The following TLCD4 variants were observed in gnomAD, a reference collection of about 807,000 sequenced individuals.
The protein encoded by TLCD4 is TLC domain containing 4.
A neutral mutation model predicts 24.2 loss-of-function variants in TLCD4; 7 were observed. That is an observed-to-expected ratio of 0.29 (90% CI 0.16 to 0.54). TLCD4 has a LOEUF of 0.54. Ranked by LOEUF, TLCD4 falls within the 20% of genes least tolerant of loss-of-function variation. The pLI is 0.95. For missense variants in TLCD4, 259 were observed against 313.9 expected (o/e 0.82, Z 1.32); for synonymous variants, 103 against 106.4 (o/e 0.97, Z 0.20).
At chr1:95,141,792 TACACACACACACAC>T (rs3075917) in intron 1 of TLCD4, among the ~76,000 whole-genome samples, 38 of 138,666 alleles carry the variant, frequency 2.7e-4, no homozygotes, top group Admixed American at 1.3e-3. Flanking sequence ...TTTTACCAAG[TACACACACACACAC>T]ACACACACAC....
intron 6 of TLCD4, among the ~76,000 whole-genome samples, chr1:95,188,104 TTAGCCGGGCGCGG>T (rs1315774086): frequency 6.6e-6 from 1 of 152,016 alleles, no homozygotes; most frequent in Non-Finnish European, 1.5e-5. Flanking sequence ...ACATAAGAAT[TTAGCCGGGCGCGG>T]TAGCTCACGC....
At chr1:95,140,321 G>A (rs1677163184) in intron 1 of TLCD4, among the ~76,000 whole-genome samples, 1 of 152,168 alleles carries the variant, frequency 6.6e-6, no homozygotes, top group Non-Finnish European at 1.5e-5. Context: ...TTGCGCTGCG[G>A]TGTTATGATG....
In TLCD4 at chr1:95,196,451, G is replaced by A. The variant is rs1679209863; in HGVS notation, c.*4583G>A. 6.6e-6 allele frequency: 1 copy of A among 152,192 alleles called. No individual in the cohort carries two copies. The highest frequency in any genetic ancestry group is 1.5e-5 in the Non-Finnish European group (1 of 68,032). The allele number at this position is 152,192 out of a possible 1,614,324, so 9.4% of individuals were successfully genotyped here. A position where few individuals can be genotyped will look rare whatever the true frequency, so the allele number is the denominator to read the frequency against. ...GTGTTTTCCAAAGTACAACATCCAAGGCTTGAACCTTACCCGTTTCTAGGC... is the reference window on the plus strand; with the variant it reads ...GTGTTTTCCAAAGTACAACATCCAAAGCTTGAACCTTACCCGTTTCTAGGC... On this transcript the variant is annotated 3_prime_UTR_variant, in exon 7 of 7. Transcript: ENST00000370203.
At chr1:95,150,158 G>T (rs372929100) in intron 3 of TLCD4, 50 bp from the exon 4 acceptor site, 12 of 1,562,376 alleles carry the variant, frequency 7.7e-6, no homozygotes, top group Non-Finnish European at 1.0e-5. Context: ...AAGAAGTAGC[G>T]GTCATCTACA....
At chr1:95,179,746 C>T (rs952443291) in intron 6 of TLCD4, among the ~76,000 whole-genome samples, 1 of 152,186 alleles carries the variant, frequency 6.6e-6, no homozygotes, top group Non-Finnish European at 1.5e-5. Flanking sequence ...TTCAGTGTGA[C>T]ACAGAAAGCT....
At chr1:95,170,022 ATT>A (rs1678150740) in intron 5 of TLCD4, among the ~76,000 whole-genome samples, 1 of 152,248 alleles carries the variant, frequency 6.6e-6, no homozygotes, top group South Asian at 2.1e-4. Flanking sequence ...ACAGTAAGAA[ATT>A]TAGCAAGAAT....
chr1:95,136,770 G>T (rs1172313995), intron 1 of TLCD4, among the ~76,000 whole-genome samples: 1 of 152,154 alleles, frequency 6.6e-6, no homozygotes, highest in African/African-American at 2.4e-5. Context: ...ACCAGGATTT[G>T]TTGGTCAGTT....
chr1:95,186,749 C>T, intron 6 of TLCD4, among the ~76,000 whole-genome samples: 1 of 152,158 alleles, frequency 6.6e-6, no homozygotes, highest in East Asian at 1.9e-4. Context: ...TTCCTATTTG[C>T]AGTATTATTT....
At chr1:95,141,219 T>A (rs1274866146) in intron 1 of TLCD4, among the ~76,000 whole-genome samples, 3 of 152,188 alleles carry the variant, frequency 2.0e-5, no homozygotes, top group Non-Finnish European at 4.4e-5. Flanking sequence ...AAAAACTCGA[T>A]TTTTGGGCGA....
rs969740637 is a variant in TLCD4 at position 95,192,839 on chromosome 1, T to C, written c.*971T>C. The C allele has an allele frequency of 6.6e-6, 1 of 152,194 alleles. No individual in the cohort carries two copies. Among genetic ancestry groups the C allele is most frequent in the African/African-American group, 2.4e-5 (1 of 41,454 alleles). 9.4% of individuals were successfully genotyped at this position (152,194 alleles called of 1,614,324 possible). On this transcript the variant is annotated 3_prime_UTR_variant, in exon 7 of 7. Transcript: ENST00000370203. ...CTATTTTAGCATTTTATCAAATTAT[T>C]GCTTTTTTATTTTATAATAAGGCTT...
chr1:95,103,457 G>C, the TLCD4 span, among the ~76,000 whole-genome samples: 1 of 152,220 alleles, frequency 6.6e-6, no homozygotes, highest in Non-Finnish European at 1.5e-5. Flanking sequence ...GAAATGTTTA[G>C]AGATAATTTC....
rs74467259 is a variant in TLCD4, at chr1:95,140,605, A to G, written c.-11-3286A>G. The G allele has an allele frequency of 2.6e-5, 4 of 152,374 alleles. No individual in the cohort carries two copies. In the East Asian group the frequency reaches 7.7e-4, roughly 29 times the overall value. 9.4% of individuals were successfully genotyped at this position (152,374 alleles called of 1,614,324 possible). A position where few individuals can be genotyped will look rare whatever the true frequency, so the allele number is the denominator to read the frequency against. ...TCCTGTGAATCAAGATGGACTAATT[A>G]TAATGTAGAGTTCATGTCTAGACGC... On this transcript the variant is annotated intron_variant, in intron 1 of 6. Coordinates refer to ENST00000370203, the MANE Select transcript of TLCD4 (RefSeq NM_152487.3).
chr1:95,183,838 AAAC>A (rs1201393849), intron 6 of TLCD4, among the ~76,000 whole-genome samples: 99 of 152,256 alleles, frequency 6.5e-4, no homozygotes, highest in African/African-American at 2.2e-3. Context: ...CTGTCTCAAA[AAAC>A]AACAACATAA....
intron 1 of TLCD4, among the ~76,000 whole-genome samples, chr1:95,119,717 G>T (rs1258812026): frequency 4.6e-5 from 7 of 150,756 alleles, no homozygotes; most frequent in East Asian, 3.9e-4. Context: ...GAGGCCCAGC[G>T]TTCATGTTCC....
intron 1 of TLCD4, among the ~76,000 whole-genome samples, chr1:95,124,426 A>G (rs1253182637): frequency 1.3e-5 from 2 of 152,184 alleles, no homozygotes; most frequent in African/African-American, 4.8e-5. Context: ...TTGGGTTTTC[A>G]TTAAGAAAAC....
intron 1 of TLCD4, among the ~76,000 whole-genome samples, chr1:95,124,464 A>G (rs1676656503): frequency 6.6e-6 from 1 of 152,164 alleles, no homozygotes; most frequent in East Asian, 1.9e-4. Context: ...CACATCCTGA[A>G]CAACCTTCCC....
chr1:95,099,431 A>G, the TLCD4 span, among the ~76,000 whole-genome samples: 1 of 152,042 alleles, frequency 6.6e-6, no homozygotes, highest in Non-Finnish European at 1.5e-5. Flanking sequence ...CACTCTGTAC[A>G]CTCTACACAT....
At chr1:95,182,148 AGATTTTGTT>A (rs1323868616) in intron 6 of TLCD4, among the ~76,000 whole-genome samples, 1 of 152,210 alleles carries the variant, frequency 6.6e-6, no homozygotes, top group Non-Finnish European at 1.5e-5. Context: ...TTGAAAGTTC[AGATTTTGTT>A]GTTGGTATCA....
intron 2 of TLCD4, among the ~76,000 whole-genome samples, chr1:95,147,996 T>C (rs1299609966): frequency 6.6e-6 from 1 of 152,200 alleles, no homozygotes; most frequent in African/African-American, 2.4e-5. Flanking sequence ...ACCTGGATCT[T>C]GAGAACATTG....
Sources: gnomAD v4.1 joint callset for allele counts (sites outside exome capture counted in the v4.1 genomes callset) on GRCh38, gnomAD v4.1.1 for gene constraint, MANE v1.5 for transcripts, NCBI Gene and HGNC (gene_info 2026-07-23, HGNC 2026-07-21) for gene names.